Variants in TOMM20 observed in about 807,000 individuals in gnomAD.
TOMM20 encodes translocase of outer mitochondrial membrane 20.
In TOMM20, 10 loss-of-function variants were observed where a neutral mutation model predicts 22.1. The ratio of observed to expected loss-of-function variants is 0.45; its 90% CI spans 0.28 to 0.77. The LOEUF is 0.77. TOMM20 is among the 30% of genes least tolerant of loss of function. The pLI is 0.13. For missense variants in TOMM20, 121 were observed against 172.2 expected (o/e 0.70, Z 1.66); for synonymous variants, 55 against 61.4 (o/e 0.90, Z 0.49).
At chr1:235,119,071 T>C (rs953533624) in intron 3 of TOMM20, among the ~76,000 whole-genome samples, 1 of 152,224 alleles carries the variant, frequency 6.6e-6, no homozygotes, top group Non-Finnish European at 1.5e-5. Context: ...AATCTATTGA[T>C]ACAGCAATCA....
At chr1:235,128,506 C>T (rs2102815371) in intron 1 of TOMM20, 89 bp downstream of exon 1, 4 of 1,592,578 alleles carry the variant, frequency 2.5e-6, no homozygotes. Context: ...CCTGCGCGGC[C>T]CACAGGCTGG....
At position 235,112,023 on chromosome 1, in the gene TOMM20, A is replaced by C; in HGVS notation, c.*41T>G. On this transcript the variant is annotated 3_prime_UTR_variant, in exon 5 of 5. Coordinates refer to ENST00000366607, the MANE Select transcript of TOMM20 (RefSeq NM_014765.3). ...CTGCTCAACTACCAAGAATTTTTAA[A>C]ATATTTTTAACTGAGATTTTATTAT... The C allele has an allele frequency of 6.3e-7, 1 of 1,584,220 alleles. No individual in the cohort carries two copies. Among genetic ancestry groups the C allele is most frequent in the Non-Finnish European group, 8.6e-7 (1 of 1,160,492 alleles).
chr1:235,113,769 T>C lies in TOMM20; in HGVS notation c.392A>G (p.Gln131Arg). 1 of 1,607,348 alleles carries C rather than the reference T, an allele frequency of 6.2e-7. No individual in the cohort carries two copies. ...MLLTKLPTISQRIVSAQSLAE... is the reference protein window; with the variant it reads ...MLLTKLPTISRRIVSAQSLAE... ...TGTCATAACATTCCAATTCCTTACC[T>C]GACTAATTGTTGGGAGCTTAGTCAG... Residue 131 changes from glutamine to arginine, a missense_variant and splice_region_variant, in exon 4 of 5, where the codon CAG (glutamine) becomes CGG (arginine). Coordinates refer to ENST00000366607, the MANE Select transcript of TOMM20 (RefSeq NM_014765.3).
At position 235,111,934 on chromosome 1, in the gene TOMM20, A is replaced by T. The variant is rs1660744563; in HGVS notation, c.*130T>A. ...AGACAAATGGATCTACACAAAGTAA[A>T]CATTAACTTTGGTAGATTTCAGTGT... On this transcript the variant is annotated 3_prime_UTR_variant, in exon 5 of 5. Transcript: ENST00000366607. 1.3e-6 allele frequency: 1 copy of T among 754,926 alleles called. No homozygotes were observed. Among genetic ancestry groups the T allele is most frequent in the Non-Finnish European group, 2.3e-6 (1 of 438,582 alleles). 46.8% of individuals were successfully genotyped at this position (754,926 alleles called of 1,614,324 possible).
intron 4 of TOMM20, among the ~76,000 whole-genome samples, chr1:235,113,205 C>T (rs536421448): frequency 6.6e-6 from 1 of 152,174 alleles, no homozygotes; most frequent in Non-Finnish European, 1.5e-5. Context: ...CTAATTTACA[C>T]ATAAGTTAAT....
Position 235,109,781 on chromosome 1 carries a change from C to T in TOMM20, c.*2283G>A, listed in dbSNP as rs771364160. On this transcript the variant is annotated 3_prime_UTR_variant, in exon 5 of 5. Transcript: ENST00000366607. The stretch of plus-strand genomic sequence containing the variant: ...AAGCACATCAACTGTTGCACTAATA[C>T]ATTATTTTCCATTTCCAAAGTTTTT... 2.6e-5 allele frequency: 4 copies of T among 152,230 alleles called. No individual in the cohort carries two copies. The highest frequency in any genetic ancestry group is 5.9e-5 in the Non-Finnish European group (4 of 68,036). 9.4% of individuals were successfully genotyped at this position (152,230 alleles called of 1,614,324 possible). A position where few individuals can be genotyped will look rare whatever the true frequency, so the allele number is the denominator to read the frequency against.
At chr1:235,126,542 C>T (rs868475407) in intron 1 of TOMM20, among the ~76,000 whole-genome samples, 47 of 152,086 alleles carry the variant, frequency 3.1e-4, no homozygotes, top group African/African-American at 1.1e-3. Flanking sequence ...CGGTGGCTCA[C>T]GCCTGTAATC....
At chr1:235,120,734 G>A (rs548350947) in intron 2 of TOMM20, among the ~76,000 whole-genome samples, 3 of 152,058 alleles carry the variant, frequency 2.0e-5, no homozygotes, top group South Asian at 4.2e-4. Flanking sequence ...AGCTAGGCAT[G>A]GTGGTGCATG....
At chr1:235,120,843 C>G (rs550642426) in intron 2 of TOMM20, among the ~76,000 whole-genome samples, 1 of 126,148 alleles carries the variant, frequency 7.9e-6, no homozygotes, top group East Asian at 2.2e-4. Context: ...GCACCCCAGC[C>G]TGGGTGACAG....
At chr1:235,119,646 C>T (rs1293648870) in intron 3 of TOMM20, among the ~76,000 whole-genome samples, 172 bp downstream of exon 3, 1 of 152,152 alleles carries the variant, frequency 6.6e-6, no homozygotes, top group Non-Finnish European at 1.5e-5. Flanking sequence ...CTTTCTAGAG[C>T]CAGTCTTACA....
intron 3 of TOMM20, among the ~76,000 whole-genome samples, chr1:235,116,946 T>G (rs187651276): frequency 1.3e-5 from 2 of 148,746 alleles, no homozygotes; most frequent in African/African-American, 5.0e-5. Context: ...CCATCCTGGC[T>G]AACATGGTGA....
At chr1:235,125,254 G>A (rs4076568) in intron 1 of TOMM20, among the ~76,000 whole-genome samples, 2,450 of 151,920 alleles carry the variant, frequency 0.016, 34 homozygotes, top group Non-Finnish European at 0.023. Context: ...TCGCTTTGTC[G>A]CCCAGGCGGG....
chr1:235,117,261 G>A (rs193187264), intron 3 of TOMM20, among the ~76,000 whole-genome samples: 17 of 147,946 alleles, frequency 1.1e-4, no homozygotes, highest in African/African-American at 4.0e-4. Context: ...AGTTTGACTA[G>A]CCTGACCAAC....
chr1:235,113,376 G>A (rs778358151), intron 4 of TOMM20, among the ~76,000 whole-genome samples: 4 of 152,160 alleles, frequency 2.6e-5, no homozygotes, highest in Admixed American at 1.3e-4. Context: ...TAGAACCGAC[G>A]TTTAGGCCCG....
chr1:235,127,769 T>C (rs754062094), intron 1 of TOMM20: 1 of 460,038 alleles, frequency 2.2e-6, no homozygotes, highest in South Asian at 1.6e-5. Flanking sequence ...ACGGTTTTCA[T>C]GACACGATTC....
At chr1:235,117,103 C>T (rs1182957003) in intron 3 of TOMM20, among the ~76,000 whole-genome samples, 4 of 125,768 alleles carry the variant, frequency 3.2e-5, no homozygotes, top group African/African-American at 1.2e-4. Context: ...CCACTGCACT[C>T]CAGCCTGGGC....
chr1:235,119,594 T>G (rs1346336581), intron 3 of TOMM20, among the ~76,000 whole-genome samples: 2 of 152,186 alleles, frequency 1.3e-5, no homozygotes, highest in Non-Finnish European at 2.9e-5. Context: ...TAAAACTCAC[T>G]TAAAATATAT....
chr1:235,127,666 A>C (rs1558131406), intron 1 of TOMM20: 3 of 377,544 alleles, frequency 7.9e-6, no homozygotes, highest in Middle Eastern at 1.1e-3. Flanking sequence ...TTGGCTGAAC[A>C]ACCAAGATAA....
In TOMM20 at chr1:235,112,030, T is replaced by A; in HGVS notation, c.*34A>T. 1 of 1,593,428 alleles carries A rather than the reference T, an allele frequency of 6.3e-7. No individual in the cohort carries two copies. Among genetic ancestry groups the A allele is most frequent in the Non-Finnish European group, 8.6e-7 (1 of 1,167,740 alleles). ...ACTACCAAGAATTTTTAAAATATTT[T>A]TAACTGAGATTTTATTATGTTGACA... On this transcript the variant is annotated 3_prime_UTR_variant, in exon 5 of 5. Transcript: ENST00000366607.
Sources: allele counts gnomAD v4.1 joint callset (sites outside exome capture counted in the v4.1 genomes callset), GRCh38; gene constraint gnomAD v4.1.1; transcripts MANE v1.5; gene names NCBI Gene and HGNC (gene_info 2026-07-23, HGNC 2026-07-21).